ANGPT1: variants seen among roughly 807,000 people sequenced by gnomAD.
The protein encoded by ANGPT1 is angiopoietin-1.
ANGPT1 carries 17 observed loss-of-function variants against 62.2 expected under a neutral mutation model. The ratio of observed to expected loss-of-function variants is 0.27; its 90% CI spans 0.19 to 0.41. The LOEUF is 0.41. Ranked by LOEUF, ANGPT1 falls within the 10% of genes least tolerant of loss-of-function variation. The pLI, the probability that ANGPT1 is intolerant of heterozygous loss-of-function variation, is 1.00. For synonymous variants in ANGPT1, 199 were observed against 198.9 expected, an observed-to-expected ratio of 1.00 and a Z score of 0.00; for missense variants, 478 against 594.9, an observed-to-expected ratio of 0.80 and a Z score of 2.04.
chr8:107,369,830 A>G (rs1179747413), intron 1 of ANGPT1, among the ~76,000 whole-genome samples: 1 of 152,114 alleles, frequency 6.6e-6, no homozygotes, highest in Admixed American at 6.6e-5. Flanking sequence ...CAAAACGGTT[A>G]CAATAGCAAT....
At chr8:107,349,983 T>C (rs1815898400) in intron 1 of ANGPT1, among the ~76,000 whole-genome samples, 2 of 152,130 alleles carry the variant, frequency 1.3e-5, no homozygotes, top group Non-Finnish European at 2.9e-5. Context: ...AACAACTGCC[T>C]GTATGAGACC....
In ANGPT1 at chr8:107,367,133, A is replaced by G. The variant is rs117717148; in HGVS notation, c.298-20036T>C. On this transcript the variant is annotated intron_variant, in intron 1 of 8. Transcript: ENST00000517746. ...ATAAATATTTGCTATTTTAAGCTAC[A>G]TGAATACTTTGGAGACATTATGGGT... Among the ~76,000 whole-genome samples, 261 of 152,330 alleles carry G rather than the reference A, an allele frequency of 1.7e-3. 2 individuals are homozygous for G. The East Asian group carries it at 0.042, about 25-fold the overall frequency.
At chr8:107,271,513 C>A (rs1813734808) in intron 7 of ANGPT1, among the ~76,000 whole-genome samples, 1 of 151,908 alleles carries the variant, frequency 6.6e-6, no homozygotes, top group Non-Finnish European at 1.5e-5. Flanking sequence ...GTGATAAAAA[C>A]AATGACATAG....
Position 107,495,442 on chromosome 8 carries a change from A to T in ANGPT1, c.297+1820T>A, listed in dbSNP as rs574266176. Among the ~76,000 whole-genome samples the T allele has an allele frequency of 3.3e-5, 5 of 152,320 alleles. No individual in the cohort carries two copies. In the East Asian group the frequency reaches 9.6e-4, roughly 29 times the overall value. On this transcript the variant is annotated intron_variant, in intron 1 of 8. Transcript: ENST00000517746. The stretch of plus-strand genomic sequence containing the variant: ...ATAAATTAACATATGAAACACGTGC[A>T]TGATTTAAGCCCAGCAGAATTATGT...
At chr8:107,430,547 G>A (rs1563619367) in intron 1 of ANGPT1, among the ~76,000 whole-genome samples, 1 of 152,298 alleles carries the variant, frequency 6.6e-6, no homozygotes, top group East Asian at 1.9e-4. Flanking sequence ...CTTGGAACTT[G>A]TGACTATGTT....
At chr8:107,381,963 A>G (rs964064461) in intron 1 of ANGPT1, among the ~76,000 whole-genome samples, 2 of 152,162 alleles carry the variant, frequency 1.3e-5, no homozygotes, top group African/African-American at 4.8e-5. Context: ...TGTAAGACAT[A>G]GAGGAAAGAC....
At chr8:107,306,150 A>C (rs1384182039) in intron 4 of ANGPT1, among the ~76,000 whole-genome samples, 1 of 152,032 alleles carries the variant, frequency 6.6e-6, no homozygotes, top group African/African-American at 2.4e-5. Flanking sequence ...TTATCCTGTT[A>C]CTCCTTCTTA....
chr8:107,354,771 T>A (rs572755955), intron 1 of ANGPT1, among the ~76,000 whole-genome samples: 2 of 152,180 alleles, frequency 1.3e-5, no homozygotes, highest in Non-Finnish European at 1.5e-5. Flanking sequence ...CTTGTCTTTC[T>A]CCAACACGAC....
At chr8:107,406,677 C>T (rs7845115) in intron 1 of ANGPT1, among the ~76,000 whole-genome samples, 20,162 of 151,842 alleles carry the variant, frequency 0.13, 1,554 homozygotes, top group African/African-American at 0.21. Context: ...TGAGCGTCAG[C>T]AAATACTTTT....
At chr8:107,311,092 A>ATG (rs999683799) in intron 4 of ANGPT1, among the ~76,000 whole-genome samples, 5 of 151,348 alleles carry the variant, frequency 3.3e-5, no homozygotes, top group Non-Finnish European at 5.9e-5. Flanking sequence ...CATTGAAAGT[A>ATG]TGTGTGTGTG....
chr8:107,273,323 C>T (rs1261186359), intron 7 of ANGPT1, among the ~76,000 whole-genome samples: 2 of 152,016 alleles, frequency 1.3e-5, no homozygotes, highest in African/African-American at 4.8e-5. Flanking sequence ...AGGTTTCTTG[C>T]AAAGAGAAAA....
chr8:107,441,252 T>C (rs1039221024), intron 1 of ANGPT1, among the ~76,000 whole-genome samples: 1 of 152,216 alleles, frequency 6.6e-6, no homozygotes, highest in African/African-American at 2.4e-5. Flanking sequence ...TCATCTTTCT[T>C]GGAAAGTTCT....
At chr8:107,331,270 T>C (rs78232017) in intron 3 of ANGPT1, among the ~76,000 whole-genome samples, 6,747 of 152,252 alleles carry the variant, frequency 0.044, 418 homozygotes, top group African/African-American at 0.14. Flanking sequence ...ATTAACTTAA[T>C]AACTTCCCAT....
chr8:107,471,520 G>A (rs998015427), intron 1 of ANGPT1, among the ~76,000 whole-genome samples: 3 of 151,956 alleles, frequency 2.0e-5, no homozygotes, highest in Admixed American at 6.6e-5. Context: ...AAACCTGCAC[G>A]TTCTGCACAT....
chr8:107,424,414 A>G (rs551825380), intron 1 of ANGPT1, among the ~76,000 whole-genome samples: 1 of 152,330 alleles, frequency 6.6e-6, no homozygotes, highest in Admixed American at 6.5e-5. Context: ...AAGACACTGT[A>G]CTCAGGGATC....
At chr8:107,489,017 A>G (rs763978658) in intron 1 of ANGPT1, among the ~76,000 whole-genome samples, 1 of 152,196 alleles carries the variant, frequency 6.6e-6, no homozygotes, top group Non-Finnish European at 1.5e-5. Context: ...AAGCATTGTA[A>G]TTTAACTTAT....
At chr8:107,412,557 A>C (rs1586300647) in intron 1 of ANGPT1, among the ~76,000 whole-genome samples, 1 of 152,184 alleles carries the variant, frequency 6.6e-6, no homozygotes. Flanking sequence ...AAAAGAAATT[A>C]GTTAAGTCAT....
intron 1 of ANGPT1, among the ~76,000 whole-genome samples, chr8:107,446,163 C>T (rs990382887): frequency 5.3e-5 from 8 of 152,172 alleles, no homozygotes; most frequent in African/African-American, 1.9e-4. Flanking sequence ...ATGATCTGCC[C>T]GCCTTGGCTT....
intron 1 of ANGPT1, among the ~76,000 whole-genome samples, chr8:107,490,186 G>A (rs1255250566): frequency 6.6e-6 from 1 of 152,130 alleles, no homozygotes; most frequent in African/African-American, 2.4e-5. Flanking sequence ...GGGGGGAAAG[G>A]TTTCTAATAA....
Sources: allele counts gnomAD v4.1 joint callset (sites outside exome capture counted in the v4.1 genomes callset), GRCh38; gene constraint gnomAD v4.1.1; transcripts MANE v1.5; gene names NCBI Gene and HGNC (gene_info 2026-07-23, HGNC 2026-07-21).